Variants in MXI1 observed in about 807,000 individuals in gnomAD.
The protein encoded by MXI1 is MAX interactor 1, dimerization protein, also known as max-interacting protein 1.
Under a neutral mutation model 36.9 loss-of-function variants are expected in MXI1, and 18 were observed. That is an observed-to-expected ratio of 0.49 (90% CI 0.34 to 0.72). The LOEUF is 0.72. MXI1 is among the 30% of genes least tolerant of loss of function. The pLI is 0.01. For missense variants in MXI1, 304 were observed against 379.1 expected, an observed-to-expected ratio of 0.80 and a Z score of 1.64; for synonymous variants, 160 against 146.7, an observed-to-expected ratio of 1.09 and a Z score of -0.65.
At chr10:110,246,299 T>G (rs1855861533) in intron 3 of MXI1, among the ~76,000 whole-genome samples, 1 of 152,006 alleles carries the variant, frequency 6.6e-6, no homozygotes, top group Admixed American at 6.6e-5. Flanking sequence ...CTCCAACCTG[T>G]GTGACAGAGA....
intron 1 of MXI1, among the ~76,000 whole-genome samples, chr10:110,216,243 A>T: frequency 6.6e-6 from 1 of 152,240 alleles, no homozygotes; most frequent in East Asian, 1.9e-4. Flanking sequence ...AAATTTAGAG[A>T]AACTCTCTTG....
At chr10:110,267,397 TG>T (rs1005246165) in intron 3 of MXI1, among the ~76,000 whole-genome samples, 9 of 152,240 alleles carry the variant, frequency 5.9e-5, no homozygotes, top group African/African-American at 2.2e-4. Context: ...CTGAGCCATC[TG>T]TTGGTGTCAT....
intron 1 of MXI1, chr10:110,226,159 G>T: frequency 7.2e-7 from 1 of 1,386,512 alleles, no homozygotes; most frequent in East Asian, 3.1e-5. Context: ...GGCGCCTCCT[G>T]TCGGCCCGAG....
intron 2 of MXI1, among the ~76,000 whole-genome samples, chr10:110,236,240 TTG>T (rs1220999220): frequency 7.0e-6 from 1 of 143,470 alleles, no homozygotes; most frequent in Non-Finnish European, 1.5e-5. Context: ...CTTGGCACCT[TTG>T]TGAAAATCAG....
intron 3 of MXI1, among the ~76,000 whole-genome samples, chr10:110,275,607 A>T (rs1378178000): frequency 6.6e-6 from 1 of 152,214 alleles, no homozygotes; most frequent in Non-Finnish European, 1.5e-5. Flanking sequence ...GTGGCAGCTA[A>T]GGACATGTGG....
chr10:110,233,806 A>C (rs1855359298), intron 2 of MXI1, among the ~76,000 whole-genome samples: 1 of 152,140 alleles, frequency 6.6e-6, no homozygotes, highest in Non-Finnish European at 1.5e-5. Flanking sequence ...GCTTCTTTGA[A>C]GTGTAAGTTT....
At chr10:110,211,760 G>C (rs921582523) in intron 1 of MXI1, among the ~76,000 whole-genome samples, 13 of 152,130 alleles carry the variant, frequency 8.5e-5, no homozygotes, top group Non-Finnish European at 1.5e-4. Flanking sequence ...AAGGCAGGGG[G>C]GATTCCCTAG....
At chr10:110,228,549 T>C (rs1855144475) in intron 2 of MXI1, among the ~76,000 whole-genome samples, 1 of 152,160 alleles carries the variant, frequency 6.6e-6, no homozygotes, top group African/African-American at 2.4e-5. Context: ...ATTATTAAGA[T>C]GGCTATGCCA....
At chr10:110,217,084 T>C (rs1033683052) in intron 1 of MXI1, among the ~76,000 whole-genome samples, 2 of 152,140 alleles carry the variant, frequency 1.3e-5, no homozygotes, top group African/African-American at 4.8e-5. Flanking sequence ...TACATTCCAC[T>C]CGCAGTTCTT....
At chr10:110,234,256 C>T (rs1040807482) in intron 2 of MXI1, among the ~76,000 whole-genome samples, 9 of 152,086 alleles carry the variant, frequency 5.9e-5, no homozygotes, top group African/African-American at 1.9e-4. Flanking sequence ...GATTCTTTGT[C>T]ATTTCTTCAG....
At chr10:110,240,003 T>C (rs1159750814) in intron 2 of MXI1, among the ~76,000 whole-genome samples, 5 of 152,056 alleles carry the variant, frequency 3.3e-5, no homozygotes, top group Non-Finnish European at 7.4e-5. Flanking sequence ...TTTATGTGAA[T>C]GGAGTTATGT....
At chr10:110,227,646 C>A in intron 1 of MXI1, 2 of 710,868 alleles carry the variant, frequency 2.8e-6, no homozygotes, top group Non-Finnish European at 3.5e-6. Flanking sequence ...TGGAGAGGGG[C>A]CTTTGAATAC....
rs900973941 is a variant in MXI1, at chr10:110,287,363, G to T, written c.*2376G>T. The T allele has an allele frequency of 5.9e-5, 9 of 152,142 alleles. No homozygotes were observed. The highest frequency in any genetic ancestry group is 3.9e-4 in the Admixed American group (6 of 15,274). 9.4% of individuals were successfully genotyped at this position (152,142 alleles called of 1,614,324 possible). On this transcript the variant is annotated 3_prime_UTR_variant, in exon 6 of 6. Transcript: ENST00000332674. ...GGAAGAAATAAAAACTGTGAACGAA[G>T]AATACCTTTCTTTTTGTACCATCCT...
intron 2 of MXI1, among the ~76,000 whole-genome samples, chr10:110,233,292 AT>A (rs1014666210): frequency 7.9e-5 from 12 of 152,046 alleles, no homozygotes; most frequent in Admixed American, 7.9e-4. Context: ...GAATTATTGT[AT>A]TGTTATTTTT....
chr10:110,240,694 T>G (rs975491430), intron 2 of MXI1, among the ~76,000 whole-genome samples: 2 of 152,004 alleles, frequency 1.3e-5, no homozygotes, highest in African/African-American at 4.8e-5. Flanking sequence ...ATTTTCTGGT[T>G]TTTTTGCCCT....
chr10:110,212,961 A>C (rs1186182676), intron 1 of MXI1, among the ~76,000 whole-genome samples: 1 of 152,188 alleles, frequency 6.6e-6, no homozygotes, highest in South Asian at 2.1e-4. Flanking sequence ...ATAGCACACC[A>C]CTGGGCATAC....
At chr10:110,276,309 ATC>A (rs1857027237) in intron 3 of MXI1, among the ~76,000 whole-genome samples, 1 of 151,602 alleles carries the variant, frequency 6.6e-6, no homozygotes. Flanking sequence ...TCCAATTACA[ATC>A]TCTCCATTTA....
chr10:110,245,997 GA>G (rs1445679828), intron 3 of MXI1, among the ~76,000 whole-genome samples: 1 of 152,140 alleles, frequency 6.6e-6, no homozygotes, highest in Non-Finnish European at 1.5e-5. Context: ...AGAATTGTAA[GA>G]GTAAAATACT....
At chr10:110,262,878 T>C (rs1041505203) in intron 3 of MXI1, among the ~76,000 whole-genome samples, 2 of 152,146 alleles carry the variant, frequency 1.3e-5, no homozygotes, top group African/African-American at 4.8e-5. Flanking sequence ...TTTCACAAAG[T>C]GTTTCCTGAT....
Sources: gnomAD v4.1 joint callset for allele counts (sites outside exome capture counted in the v4.1 genomes callset) on GRCh38, gnomAD v4.1.1 for gene constraint, MANE v1.5 for transcripts, NCBI Gene and HGNC (gene_info 2026-07-23, HGNC 2026-07-21) for gene names.